Variants in VWA5B2 observed in about 807,000 individuals in gnomAD.
VWA5B2 encodes von Willebrand factor A domain-containing protein 5B2.
In VWA5B2, 93 loss-of-function variants were observed where a neutral mutation model predicts 118.5. The ratio of observed to expected loss-of-function variants is 0.79; its 90% CI spans 0.66 to 0.93. The LOEUF (loss-of-function observed/expected upper bound fraction) is 0.93. VWA5B2 is among the 40% of genes least tolerant of loss of function. VWA5B2 has a pLI of 0.00. For synonymous variants in VWA5B2, 708 were observed against 716.3 expected, an observed-to-expected ratio of 0.99 and a Z score of 0.19; for missense variants, 1,546 against 1,672.8, an observed-to-expected ratio of 0.92 and a Z score of 1.32.
intron 8 of VWA5B2, 63 bp from the exon 9 acceptor site, chr3:184,236,089 T>C (rs1178597115): frequency 1.4e-6 from 2 of 1,406,362 alleles, no homozygotes; most frequent in African/African-American, 2.9e-5. Context: ...TGATCTGGCT[T>C]CCCTTGCTCT....
chr3:184,239,377 C>G lies in VWA5B2; in HGVS notation c.2203-17C>G. 1 of 1,524,200 alleles carries G rather than the reference C, an allele frequency of 6.6e-7. No individual in the cohort carries two copies. The highest frequency in any genetic ancestry group is 8.9e-7 in the Non-Finnish European group (1 of 1,129,620). 94.4% of individuals were successfully genotyped at this position (1,524,200 alleles called of 1,614,324 possible). A position where few individuals can be genotyped will look rare whatever the true frequency, so the allele number is the denominator to read the frequency against. On this transcript the variant is annotated splice_polypyrimidine_tract_variant and intron_variant, in intron 14 of 19. Coordinates refer to ENST00000691901, the MANE Select transcript of VWA5B2 (RefSeq NM_001390846.1). This position sits in a 1 kb window ranked among gnomAD's most constrained non-coding sequence, Gnocchi z 5.1. ...TTCTGCATTCCTTGACCAGTGGCCC[C>G]CATATCTCACATGCAGGTGGGGGCC...
rs1718515507 is a variant in VWA5B2 at position 184,240,809 on chromosome 3, G to A, written c.2759G>A (p.Trp920Ter). ...TADRGHARRC[W>*]LRALQTSKVS... ...TCCACAGGCCATGCCCGGAGGTGCT[G>A]GCTTCGAGCCCTTCAGACAAGTAAG... Residue 920 changes from tryptophan (W) to a stop codon, truncating the protein, a stop_gained, in exon 17 of 20, where the codon TGG becomes TAG. Transcript: ENST00000691901. LOFTEE classifies it high-confidence loss of function. 6.4e-7 allele frequency: 1 copy of A among 1,551,318 alleles called. No individual in the cohort carries two copies. The highest frequency in any genetic ancestry group is 8.7e-7 in the Non-Finnish European group (1 of 1,146,984).
chr3:184,230,030 C>G (rs1172374540), intron 1 of VWA5B2, among the ~76,000 whole-genome samples: 1 of 152,224 alleles, frequency 6.6e-6, no homozygotes, highest in Non-Finnish European at 1.5e-5. Flanking sequence ...ATCCACCCTG[C>G]CCCCGCGATC....
rs1339300797 is a variant in VWA5B2, at chr3:184,233,480, AG to A, written c.530+86del. On this transcript the variant is annotated intron_variant, in intron 4 of 19. Coordinates refer to ENST00000691901, the MANE Select transcript of VWA5B2 (RefSeq NM_001390846.1). The surrounding 1 kb of genome is among the most constrained non-coding windows in gnomAD (Gnocchi z 5.2). ...GTGAGGGGGCACTGGCAGGGTACCC[AG>A]GGATGGGAAGGGTGAGGAAGGGCTG... The A allele has an allele frequency of 6.6e-7, 1 of 1,505,544 alleles. No individual in the cohort carries two copies. Among genetic ancestry groups the A allele is most frequent in the East Asian group, 2.5e-5 (1 of 40,528 alleles). 93.3% of individuals were successfully genotyped at this position (1,505,544 alleles called of 1,614,324 possible).
chr3:184,241,367 A>G lies in VWA5B2; in HGVS notation c.3143A>G (p.Asn1048Ser). The G allele has an allele frequency of 1.3e-6, 2 of 1,562,398 alleles. No individual in the cohort carries two copies. The highest frequency in any genetic ancestry group is 1.7e-6 in the Non-Finnish European group (2 of 1,153,134). The change falls in exon 19 of 20, where the codon AAC becomes AGC. Residue 1048 changes from asparagine to serine, a missense_variant. Physicochemically the swap from Asn to Ser is conservative, Grantham distance 46 (BLOSUM62 1). Around this residue, in one of 3 missense-constraint regions of VWA5B2, gnomAD observed 763 missense variants for 766.6 expected, o/e 1.00. Coordinates refer to ENST00000691901, the MANE Select transcript of VWA5B2 (RefSeq NM_001390846.1). The surrounding 1 kb of genome is among the most constrained non-coding windows in gnomAD (Gnocchi z 5.1). ...KLCSPDPGQA[N>S]NSEGSDHDYL... ...TGTAGCCCTGACCCGGGCCAGGCCA[A>G]CAACAGTGAAGGCAGCGACCATGAC...
Position 184,238,915 on chromosome 3 carries a change from T to C in VWA5B2, c.2202+42T>C, listed in dbSNP as rs1160354538. ...ATTCATTCGCCTTGTATCCAGCAAA[T>C]ATTTATTTACCACCTGCTGTGCACC... On this transcript the variant is annotated intron_variant, in intron 14 of 19. Coordinates refer to ENST00000691901, the MANE Select transcript of VWA5B2 (RefSeq NM_001390846.1). This position sits in a 1 kb window ranked among gnomAD's most constrained non-coding sequence, Gnocchi z 5.0. 6.9e-7 allele frequency: 1 copy of C among 1,443,202 alleles called. No homozygotes were observed. Among genetic ancestry groups the C allele is most frequent in the Non-Finnish European group, 9.2e-7 (1 of 1,090,150 alleles). 89.4% of individuals were successfully genotyped at this position (1,443,202 alleles called of 1,614,324 possible).
rs1486583839 is a variant in VWA5B2, at chr3:184,241,991, C to G, written c.3682C>G (p.Gln1228Glu). 6.4e-6 allele frequency: 10 copies of G among 1,550,440 alleles called. No homozygotes were observed. The highest frequency in any genetic ancestry group is 2.0e-5 in the Admixed American group (1 of 51,004). ...GLFLLLRHWDQNLQLHLLCYS... is the reference protein window; with the variant it reads ...GLFLLLRHWDENLQLHLLCYS... ...CTTCCTGCTACTGCGCCACTGGGACCAAAACCTGCAGCTACACCTGCTGTG... is the reference window on the plus strand; with the variant it reads ...CTTCCTGCTACTGCGCCACTGGGACGAAAACCTGCAGCTACACCTGCTGTG... Residue 1228 changes from glutamine to glutamate, a missense_variant, in exon 20 of 20, where the codon CAA becomes GAA. By Grantham distance (29) the Gln-to-Glu change is conservative. Around this residue, in one of 3 missense-constraint regions of VWA5B2, gnomAD observed 763 missense variants for 766.6 expected, o/e 1.00. Transcript: ENST00000691901. This position sits in a 1 kb window ranked among gnomAD's most constrained non-coding sequence, Gnocchi z 5.1.
In VWA5B2 at chr3:184,237,279, G is replaced by GGACT; in HGVS notation, c.1589_1592dup (p.Trp531Ter). 1 of 1,551,638 alleles carries GGACT rather than the reference G, an allele frequency of 6.4e-7. No individual in the cohort carries two copies. Among genetic ancestry groups the GGACT allele is most frequent in the Non-Finnish European group, 8.7e-7 (1 of 1,147,032 alleles). On this transcript the variant is annotated frameshift_variant, in exon 12 of 20. Coordinates refer to ENST00000691901, the MANE Select transcript of VWA5B2 (RefSeq NM_001390846.1). LOFTEE classifies it high-confidence loss of function. The surrounding 1 kb of genome is among the most constrained non-coding windows in gnomAD (Gnocchi z 5.6). ...AGCCTGCTTTGAGTGACATCTCTGT[G>GGACT]GACTGGTTTGTGCCCGACACTGTGG...
intron 3 of VWA5B2, chr3:184,232,917 C>T (rs1717544151): frequency 3.7e-6 from 2 of 543,318 alleles, no homozygotes; most frequent in Non-Finnish European, 6.5e-6. Context: ...GTGGACATGG[C>T]CCCTTCTCCT....
rs1314355382 is a variant in VWA5B2 at position 184,241,648 on chromosome 3, C to T, written c.3339C>T (p.Gly1113=). The change falls in exon 20 of 20, where the codon GGC becomes GGT. Residue 1113 remains glycine, a synonymous_variant. Coordinates refer to ENST00000691901, the MANE Select transcript of VWA5B2 (RefSeq NM_001390846.1). The surrounding 1 kb of genome is among the most constrained non-coding windows in gnomAD (Gnocchi z 5.1). The part of the protein sequence containing the change: ...TSASLPWALL[G]PGVGQGDSAT... ...CCTCATTGCCCTGGGCACTTCTGGG[C>T]CCTGGTGTTGGCCAGGGTGACAGTG... 1 of 1,537,892 alleles carries T rather than the reference C, an allele frequency of 6.5e-7. No individual in the cohort carries two copies. The highest frequency in any genetic ancestry group is 1.2e-5 in the South Asian group (1 of 83,938).
chr3:184,231,025 G>A, intron 3 of VWA5B2, 108 bp downstream of exon 3: 2 of 1,188,376 alleles, frequency 1.7e-6, no homozygotes, highest in Non-Finnish European at 2.1e-6. Context: ...GCACTGCCTT[G>A]TGCATTCATT....
chr3:184,240,818 C>G lies in VWA5B2; in HGVS notation c.2768C>G (p.Ala923Gly). ...CATGCCCGGAGGTGCTGGCTTCGAG[C>G]CCTTCAGACAAGTAAGGTCAGCTCT... Reference protein sequence around the residue: ...RGHARRCWLRALQTSKVSSAP... With the variant: ...RGHARRCWLRGLQTSKVSSAP... The change falls in exon 17 of 20, where the codon GCC becomes GGC. Residue 923 changes from alanine (A) to glycine (G), a missense_variant. Coordinates refer to ENST00000691901, the MANE Select transcript of VWA5B2 (RefSeq NM_001390846.1). The G allele has an allele frequency of 1.3e-6, 2 of 1,551,506 alleles. No homozygotes were observed. The highest frequency in any genetic ancestry group is 1.7e-6 in the Non-Finnish European group (2 of 1,146,958).
chr3:184,230,308 A>G (rs568490065), intron 1 of VWA5B2, 72 bp from the exon 2 acceptor site: 551 of 475,884 alleles, frequency 1.2e-3, no homozygotes, highest in Admixed American at 1.7e-3. Flanking sequence ...CTGCCCAGGT[A>G]ACGCGTGAGG....
rs1718252014 is a variant in VWA5B2, at chr3:184,238,666, T to A, written c.1995T>A (p.Tyr665Ter). Residue 665 changes from tyrosine (Y) to a stop codon, truncating the protein, a stop_gained, in exon 14 of 20, where the codon TAT (tyrosine) becomes TAA (stop). Transcript: ENST00000691901. LOFTEE classifies it high-confidence loss of function. The surrounding 1 kb of genome is among the most constrained non-coding windows in gnomAD (Gnocchi z 5.0). ...IFQSSYIREQ[Y>*]VLTHCSASPE... is the part of the protein sequence containing the mutation. ...AGTCCTCGTACATTCGGGAGCAGTA[T>A]GTGCTCACCCACTGCTCTGCCAGCC... 1.3e-6 allele frequency: 2 copies of A among 1,551,408 alleles called. No homozygotes were observed. Among genetic ancestry groups the A allele is most frequent in the Non-Finnish European group, 1.7e-6 (2 of 1,147,044 alleles).
chr3:184,235,366 G>A, intron 8 of VWA5B2, 58 bp downstream of exon 8: 1 of 1,519,850 alleles, frequency 6.6e-7, no homozygotes, highest in South Asian at 1.2e-5. Context: ...TGGGTCTGAG[G>A]AGGGCTGGGG....
At chr3:184,236,041 C>T (rs1717944460) in intron 8 of VWA5B2, 111 bp from the exon 9 acceptor site, 1 of 1,021,696 alleles carries the variant, frequency 9.8e-7, no homozygotes, top group Non-Finnish European at 1.5e-6. Context: ...CCCAGGTTAC[C>T]ACAGCCTCTC....
chr3:184,235,146 C>A lies in VWA5B2; in HGVS notation c.946-7C>A. ...TGCCCAGGCTGACTTGGGACTCCCC[C>A]GCTCAGGTGTGGTTCCTGCAGCGAC... On this transcript the variant is annotated splice_region_variant and splice_polypyrimidine_tract_variant and intron_variant, in intron 7 of 19. Transcript: ENST00000691901. 1 of 1,550,514 alleles carries A rather than the reference C, an allele frequency of 6.4e-7. No homozygotes were observed. The highest frequency in any genetic ancestry group is 1.7e-4 in the Middle Eastern group (1 of 5,980).
intron 1 of VWA5B2, among the ~76,000 whole-genome samples, 188 bp downstream of exon 1, chr3:184,229,901 A>T (rs1259968518): frequency 6.6e-6 from 1 of 152,108 alleles, no homozygotes; most frequent in African/African-American, 2.4e-5. Flanking sequence ...TGCCTCCCAA[A>T]GACCCCCTCT....
chr3:184,233,149 G>A lies in VWA5B2; in HGVS notation c.311-29G>A, dbSNP rs1305541937. The A allele has an allele frequency of 3.3e-6, 5 of 1,538,338 alleles. No individual in the cohort carries two copies. In the East Asian group the frequency reaches 1.2e-4, roughly 38 times the overall value. ...CCTCCCTCTCCTCTGCTTCCAGCAT[G>A]CTCTGACCCCATTTCTCACCCATCA... On this transcript the variant is annotated intron_variant, in intron 3 of 19. Coordinates refer to ENST00000691901, the MANE Select transcript of VWA5B2 (RefSeq NM_001390846.1). This position sits in a 1 kb window ranked among gnomAD's most constrained non-coding sequence, Gnocchi z 5.2.
Sources: allele counts gnomAD v4.1 joint callset (sites outside exome capture counted in the v4.1 genomes callset), GRCh38; gene constraint gnomAD v4.1.1; regional missense constraint gnomAD v4.1.1; non-coding constraint Gnocchi (gnomAD v3.1); transcripts MANE v1.5; gene names NCBI Gene and HGNC (gene_info 2026-07-23, HGNC 2026-07-21).